Variants in SLC35F3 observed in about 807,000 individuals in gnomAD.
The protein encoded by SLC35F3 is solute carrier family 35 member F3.
SLC35F3 carries 25 observed loss-of-function variants against 49.9 expected under a neutral mutation model. The ratio of observed to expected loss-of-function variants is 0.50; its 90% CI spans 0.37 to 0.70. The LOEUF is 0.70. Ranked by LOEUF, SLC35F3 falls within the 30% of genes least tolerant of loss-of-function variation. The pLI is 0.00. For missense variants in SLC35F3, 525 were observed against 639.8 expected, an observed-to-expected ratio of 0.82 and a Z score of 1.94; for synonymous variants, 275 against 265.4, an observed-to-expected ratio of 1.04 and a Z score of -0.35.
chr1:234,186,090 G>A (rs1043222112), intron 2 of SLC35F3, among the ~76,000 whole-genome samples: 1 of 152,180 alleles, frequency 6.6e-6, no homozygotes, highest in Non-Finnish European at 1.5e-5. Context: ...AGGGTTGCTG[G>A]CAATATACTC....
intron 2 of SLC35F3, among the ~76,000 whole-genome samples, chr1:234,083,708 C>T (rs2102873908): frequency 6.6e-6 from 1 of 152,288 alleles, no homozygotes; most frequent in South Asian, 2.1e-4. Flanking sequence ...TCCCAAAGCA[C>T]TGCAGTCTTG....
chr1:234,225,632 G>A lies in SLC35F3; in HGVS notation c.284-5785G>A, dbSNP rs572654836. 5.3e-5 allele frequency among the ~76,000 whole-genome samples: 8 copies of A among 152,272 alleles called. No individual in the cohort carries two copies. In the South Asian group the frequency reaches 6.2e-4, roughly 12 times the overall value. On this transcript the variant is annotated intron_variant, in intron 2 of 7. Coordinates refer to ENST00000366618, the MANE Select transcript of SLC35F3 (RefSeq NM_173508.4). ...GGAAAAGTTCTATCTGCCTTGTACCGCAAAGTAGGTGGTCAAATAAGATTT... is the reference window on the plus strand; with the variant it reads ...GGAAAAGTTCTATCTGCCTTGTACCACAAAGTAGGTGGTCAAATAAGATTT...
At chr1:233,976,190 A>G (rs1326527199) in intron 2 of SLC35F3, among the ~76,000 whole-genome samples, 1 of 152,238 alleles carries the variant, frequency 6.6e-6, no homozygotes, top group East Asian at 1.9e-4. Context: ...CTGGCTCTTT[A>G]TCATAAAGAT....
chr1:234,018,111 C>T (rs1055658603), intron 2 of SLC35F3, among the ~76,000 whole-genome samples: 1 of 152,086 alleles, frequency 6.6e-6, no homozygotes, highest in Non-Finnish European at 1.5e-5. Flanking sequence ...TGGAAAAATA[C>T]GTGTCAGGCA....
At chr1:234,163,142 T>C (rs1666255916) in intron 2 of SLC35F3, among the ~76,000 whole-genome samples, 1 of 152,224 alleles carries the variant, frequency 6.6e-6, no homozygotes, top group African/African-American at 2.4e-5. Flanking sequence ...CCAGAAGGAC[T>C]ACCCCATTTC....
intron 2 of SLC35F3, among the ~76,000 whole-genome samples, chr1:234,170,518 G>A (rs1369282429): frequency 6.6e-6 from 1 of 152,024 alleles, no homozygotes; most frequent in Non-Finnish European, 1.5e-5. Context: ...CCAGGGTGTA[G>A]AGTACCCGTT....
chr1:234,056,899 A>G (rs1447422301), intron 2 of SLC35F3, among the ~76,000 whole-genome samples: 1 of 152,212 alleles, frequency 6.6e-6, no homozygotes, highest in Admixed American at 6.5e-5. Context: ...TTGTGCCAGC[A>G]TCATTTGTTG....
At chr1:233,939,811 G>A (rs1395477297) in intron 2 of SLC35F3, among the ~76,000 whole-genome samples, 1 of 152,184 alleles carries the variant, frequency 6.6e-6, no homozygotes, top group Non-Finnish European at 1.5e-5. Context: ...GACTGAACAT[G>A]TCCTGAATCA....
At chr1:234,034,489 C>T (rs534517881) in intron 2 of SLC35F3, among the ~76,000 whole-genome samples, 5 of 152,148 alleles carry the variant, frequency 3.3e-5, no homozygotes, top group African/African-American at 4.8e-5. Flanking sequence ...TTGTCATAGA[C>T]GGCTTTTGTT....
In SLC35F3 at chr1:234,046,957, C is replaced by G. The variant is rs1325224315; in HGVS notation, c.283+141199C>G. Among the ~76,000 whole-genome samples the G allele has an allele frequency of 6.6e-6, 1 of 152,188 alleles. No homozygotes were observed. Among genetic ancestry groups the G allele is most frequent in the Non-Finnish European group, 1.5e-5 (1 of 68,024 alleles). On this transcript the variant is annotated intron_variant, in intron 2 of 7. Transcript: ENST00000366618. The surrounding 1 kb of genome is among the most constrained non-coding windows in gnomAD (Gnocchi z 4.4). ...CACAACCTTAGTTACTCTAGCTGTA[C>G]TATAAGTCTCACTTCCTAACAGGTC...
At chr1:234,100,488 T>A (rs531605782) in intron 2 of SLC35F3, among the ~76,000 whole-genome samples, 5 of 152,294 alleles carry the variant, frequency 3.3e-5, no homozygotes, top group Non-Finnish European at 7.4e-5. Context: ...GGACAGATAA[T>A]CAAAAAAGTG....
intron 2 of SLC35F3, among the ~76,000 whole-genome samples, chr1:234,019,625 A>G (rs1472251820): frequency 6.6e-6 from 1 of 152,132 alleles, no homozygotes; most frequent in Non-Finnish European, 1.5e-5. Flanking sequence ...TTTCCTCAAC[A>G]TCCACAGATT....
intron 2 of SLC35F3, among the ~76,000 whole-genome samples, chr1:234,005,936 T>A (rs1317951074): frequency 1.3e-5 from 2 of 152,218 alleles, no homozygotes; most frequent in Non-Finnish European, 2.9e-5. Context: ...TGGGCAAATT[T>A]TTGAACCATG....
intron 2 of SLC35F3, among the ~76,000 whole-genome samples, chr1:234,120,859 C>T (rs903777001): frequency 6.6e-6 from 1 of 152,198 alleles, no homozygotes; most frequent in Admixed American, 6.5e-5. Flanking sequence ...ATCTTTTAAG[C>T]ATTCACTAAA....
intron 2 of SLC35F3, among the ~76,000 whole-genome samples, chr1:234,127,311 G>A (rs1397330268): frequency 6.6e-6 from 1 of 152,136 alleles, no homozygotes. Flanking sequence ...GGCTTATGAA[G>A]TACTCTTGCA....
chr1:234,228,044 G>T (rs879730984), intron 2 of SLC35F3, among the ~76,000 whole-genome samples: 3 of 152,192 alleles, frequency 2.0e-5, no homozygotes, highest in Non-Finnish European at 1.5e-5. Flanking sequence ...TATGGATGTT[G>T]TGGCTTGCAC....
At position 234,309,314 on chromosome 1, in the gene SLC35F3, A is replaced by C; in HGVS notation, c.822A>C (p.Gly274=). 1 of 1,614,026 alleles carries C rather than the reference A, an allele frequency of 6.2e-7. No homozygotes were observed. The highest frequency in any genetic ancestry group is 8.5e-7 in the Non-Finnish European group (1 of 1,179,912). ...TCGTTCTCAGGGACAGATTCATGGG[A>C]GTGAGGGTAAGTTCCTTATTATCTG... The part of the protein sequence containing the change: ...SWIVLRDRFM[G]VRIVAAILAI... The change falls in exon 4 of 8, where the codon GGA becomes GGC. Residue 274 remains glycine, a synonymous_variant. Coordinates refer to ENST00000366618, the MANE Select transcript of SLC35F3 (RefSeq NM_173508.4).
chr1:233,973,648 A>G (rs915049774), intron 2 of SLC35F3, among the ~76,000 whole-genome samples: 1 of 152,204 alleles, frequency 6.6e-6, no homozygotes, highest in African/African-American at 2.4e-5. Context: ...GCTAAGCGAG[A>G]TGTATGCACA....
intron 3 of SLC35F3, among the ~76,000 whole-genome samples, chr1:234,255,296 TGA>T (rs1381285831): frequency 6.6e-6 from 1 of 152,150 alleles, no homozygotes; most frequent in African/African-American, 2.4e-5. Flanking sequence ...AAAACAACAA[TGA>T]GATACCACTA....
Sources: gnomAD v4.1 joint callset for allele counts (sites outside exome capture counted in the v4.1 genomes callset) on GRCh38, gnomAD v4.1.1 for gene constraint, Gnocchi (gnomAD v3.1) non-coding constraint, MANE v1.5 for transcripts, NCBI Gene and HGNC (gene_info 2026-07-23, HGNC 2026-07-21) for gene names.